ODAD2: variants seen among roughly 807,000 people sequenced by gnomAD.
The protein encoded by ODAD2 is outer dynein arm-docking complex subunit 2.
Under a neutral mutation model 106.8 loss-of-function variants are expected in ODAD2, and 89 were observed. The observed-to-expected ratio is 0.83, with a 90% CI of 0.70 to 0.99. The LOEUF is 0.99. ODAD2 is among the 50% of genes least tolerant of loss of function. The probability of loss-of-function intolerance (pLI) is 0.00; values close to 1 mark genes in which losing one functional copy is unlikely to be tolerated. For synonymous variants in ODAD2, 404 were observed against 436.2 expected, an observed-to-expected ratio of 0.93 and a Z score of 0.92; for missense variants, 1,168 against 1,238.5, an observed-to-expected ratio of 0.94 and a Z score of 0.85.
intron 16 of ODAD2, among the ~76,000 whole-genome samples, chr10:27,934,322 T>C (rs1210365657): frequency 1.3e-5 from 2 of 151,882 alleles, no homozygotes. Flanking sequence ...AAAGCCCTAA[T>C]ACAACAGCTT....
Position 27,820,777 on chromosome 10 carries a change from C to CTTTTT in ODAD2, c.3022-8157_3022-8153dup, listed in dbSNP as rs72095120. Among the ~76,000 whole-genome samples the CTTTTT allele has an allele frequency of 4.5e-4, 47 of 105,530 alleles. 1 individual carries two copies. Among genetic ancestry groups the CTTTTT allele is most frequent in the African/African-American group, 9.3e-4 (24 of 25,724 alleles). 69.2% of individuals were successfully genotyped at this position (105,530 alleles called of 152,430 possible). A position where few individuals can be genotyped will look rare whatever the true frequency, so the allele number is the denominator to read the frequency against. On this transcript the variant is annotated intron_variant, in intron 19 of 19. Coordinates refer to ENST00000305242, the MANE Select transcript of ODAD2 (RefSeq NM_018076.5). Reference sequence around the variant, plus strand: ...CAATTAAACCAATGAAGCCCAGCAACTTTTTTTTTTTTTTTTTTTTTTTTG... The same window carrying CTTTTT: ...CAATTAAACCAATGAAGCCCAGCAACTTTTTTTTTTTTTTTTTTTTTTTTTTTTTG...
At chr10:27,844,290 A>T (rs973094679) in intron 19 of ODAD2, among the ~76,000 whole-genome samples, 1 of 152,214 alleles carries the variant, frequency 6.6e-6, no homozygotes, top group Non-Finnish European at 1.5e-5. Context: ...TGAAAAGAGA[A>T]ATGGAGCCCT....
At chr10:27,878,282 T>C (rs1236012404) in intron 17 of ODAD2, among the ~76,000 whole-genome samples, 1 of 152,044 alleles carries the variant, frequency 6.6e-6, no homozygotes, top group African/African-American at 2.4e-5. Context: ...ATTGCACAAA[T>C]AAGATGAAAA....
chr10:27,963,514 C>T lies in ODAD2; in HGVS notation c.1239-1799G>A, dbSNP rs557181431. ...TCCTTAAATATCAAAGTCACAAAGT[C>T]AATGACCATAATAGAACACACAAGT... On this transcript the variant is annotated intron_variant, in intron 9 of 19. Transcript: ENST00000305242. Among the ~76,000 whole-genome samples, 32 of 152,282 alleles carry T rather than the reference C, an allele frequency of 2.1e-4. No homozygotes were observed. In the South Asian group the frequency reaches 6.0e-3, roughly 29 times the overall value.
intron 16 of ODAD2, among the ~76,000 whole-genome samples, chr10:27,924,328 T>C (rs1845084592): frequency 6.6e-6 from 1 of 151,674 alleles, no homozygotes; most frequent in Admixed American, 6.6e-5. Context: ...AAGACACTTC[T>C]AAAAATGATG....
In ODAD2 at chr10:27,885,811, A is replaced by T. The variant is rs1306392954; in HGVS notation, c.2610+21852T>A. 9.1e-5 allele frequency among the ~76,000 whole-genome samples: 8 copies of T among 87,620 alleles called. 1 individual carries two copies. The highest frequency in any genetic ancestry group is 1.7e-4 in the Non-Finnish European group (8 of 48,236). 57.5% of individuals were successfully genotyped at this position (87,620 alleles called of 152,430 possible). On this transcript the variant is annotated intron_variant, in intron 17 of 19. Coordinates refer to ENST00000305242, the MANE Select transcript of ODAD2 (RefSeq NM_018076.5). ...TATATATAATATATATAAAATATAT[A>T]TTATATATAATATATAAATATATAT... is the stretch of plus-strand genomic sequence containing the variant.
intron 19 of ODAD2, among the ~76,000 whole-genome samples, chr10:27,843,846 G>A (rs1282866387): frequency 6.6e-6 from 1 of 151,998 alleles, no homozygotes; most frequent in African/African-American, 2.4e-5. Context: ...ATAAAGATTT[G>A]TTTTTTCAAA....
chr10:27,959,394 G>C (rs895372323), intron 10 of ODAD2, among the ~76,000 whole-genome samples: 6 of 151,852 alleles, frequency 4.0e-5, no homozygotes, highest in Non-Finnish European at 8.8e-5. Flanking sequence ...CTTTCCCCCA[G>C]ATGACATGCT....
chr10:27,975,902 A>G (rs1849161097), intron 7 of ODAD2, among the ~76,000 whole-genome samples: 1 of 152,162 alleles, frequency 6.6e-6, no homozygotes, highest in South Asian at 2.1e-4. Flanking sequence ...AAAACTTCTT[A>G]AAATCTTAGC....
chr10:27,897,519 G>T (rs1842935661), intron 17 of ODAD2, among the ~76,000 whole-genome samples: 1 of 151,944 alleles, frequency 6.6e-6, no homozygotes. Flanking sequence ...TTCTTATATT[G>T]TCTCTTCTCT....
At chr10:27,956,227 A>G (rs1208663593) in intron 10 of ODAD2, among the ~76,000 whole-genome samples, 5 of 152,098 alleles carry the variant, frequency 3.3e-5, no homozygotes, top group Non-Finnish European at 7.4e-5. Context: ...ATCCCTTCCT[A>G]TTAGATTCAC....
chr10:27,964,896 ATAAAT>A (rs1354237279), intron 9 of ODAD2, among the ~76,000 whole-genome samples: 1 of 152,250 alleles, frequency 6.6e-6, no homozygotes, highest in Non-Finnish European at 1.5e-5. Context: ...AGAAGAATTA[ATAAAT>A]TAAAGCAAGT....
chr10:27,946,818 GAA>G (rs1846965451), intron 10 of ODAD2, among the ~76,000 whole-genome samples: 1 of 152,098 alleles, frequency 6.6e-6, no homozygotes, highest in South Asian at 2.1e-4. Context: ...TTTAAAATAA[GAA>G]ACCGAAATAG....
intron 19 of ODAD2, among the ~76,000 whole-genome samples, chr10:27,835,689 A>G (rs1181446846): frequency 6.6e-6 from 1 of 152,156 alleles, no homozygotes; most frequent in African/African-American, 2.4e-5. Flanking sequence ...GAAGTTTAAC[A>G]GAGAATAAAA....
intron 19 of ODAD2, among the ~76,000 whole-genome samples, chr10:27,843,942 G>A (rs1454409901): frequency 6.6e-6 from 1 of 152,168 alleles, no homozygotes; most frequent in Non-Finnish European, 1.5e-5. Context: ...GCTCACACCT[G>A]TAATCCCAGC....
intron 19 of ODAD2, among the ~76,000 whole-genome samples, chr10:27,850,485 A>G (rs1839176481): frequency 6.8e-6 from 1 of 148,008 alleles, no homozygotes; most frequent in Non-Finnish European, 1.5e-5. Context: ...TGAACGTGGG[A>G]GGCGGAGGTT....
At chr10:27,924,614 G>GGA (rs1845114910) in intron 16 of ODAD2, among the ~76,000 whole-genome samples, 1 of 12,640 alleles carries the variant, frequency 7.9e-5, no homozygotes, top group Non-Finnish European at 1.5e-4. Context: ...TGATTAGGAG[G>GGA]AAAAAAAAAA....
chr10:27,868,095 A>G (rs1840584889), intron 17 of ODAD2, among the ~76,000 whole-genome samples: 1 of 152,190 alleles, frequency 6.6e-6, no homozygotes, highest in Non-Finnish European at 1.5e-5. Flanking sequence ...AATATCACTG[A>G]CTGTTAGAGA....
In ODAD2 at chr10:27,906,978, G is replaced by T. The variant is rs7077813; in HGVS notation, c.2610+685C>A. On this transcript the variant is annotated intron_variant, in intron 17 of 19. Coordinates refer to ENST00000305242, the MANE Select transcript of ODAD2 (RefSeq NM_018076.5). The stretch of plus-strand genomic sequence containing the variant: ...GTATACCTATGTAACAAACCTGCAC[G>T]TTCTGCACATGTATCCCAGAACTTA... Among the ~76,000 whole-genome samples, 552 of 152,110 alleles carry T rather than the reference G, an allele frequency of 3.6e-3. 2 individuals are homozygous for T. The highest frequency in any genetic ancestry group is 0.013 in the African/African-American group (529 of 41,504).
Sources: gnomAD v4.1 joint callset for allele counts (sites outside exome capture counted in the v4.1 genomes callset) on GRCh38, gnomAD v4.1.1 for gene constraint, MANE v1.5 for transcripts, NCBI Gene and HGNC (gene_info 2026-07-23, HGNC 2026-07-21) for gene names.